NRXN3: variants seen among roughly 807,000 people sequenced by gnomAD.
NRXN3 encodes the protein neurexin 3, also known as neurexin III.
A neutral mutation model predicts 137.6 loss-of-function variants in NRXN3; 32 were observed. The observed-to-expected ratio is 0.23, with a 90% confidence interval of 0.18 to 0.31. The LOEUF (loss-of-function observed/expected upper bound fraction) is 0.31. Ranked by LOEUF, NRXN3 falls within the 10% of genes least tolerant of loss-of-function variation. The pLI is 1.00. For synonymous variants in NRXN3, 798 were observed against 784.5 expected (o/e 1.02, Z -0.29); for missense variants, 1,574 against 2,062.5 (o/e 0.76, Z 4.59).
At chr14:78,677,357 AC>A (rs1202706723) in intron 6 of NRXN3, among the ~76,000 whole-genome samples, 3 of 152,060 alleles carry the variant, frequency 2.0e-5, no homozygotes, top group African/African-American at 7.2e-5. Context: ...GTTGATCACA[AC>A]CCTCATGGAT....
At chr14:78,566,426 A>G (rs1289166319) in intron 4 of NRXN3, among the ~76,000 whole-genome samples, 1 of 147,698 alleles carries the variant, frequency 6.8e-6, no homozygotes, top group Non-Finnish European at 1.5e-5. Flanking sequence ...CAAGTTTTCC[A>G]TGTGGCATCA....
chr14:79,810,213 T>C (rs993935565), intron 20 of NRXN3, among the ~76,000 whole-genome samples: 1 of 152,172 alleles, frequency 6.6e-6, no homozygotes, highest in African/African-American at 2.4e-5. Flanking sequence ...AAAAAAGTAA[T>C]ACTTTTATAC....
chr14:79,568,073 C>A (rs954811856), intron 16 of NRXN3, among the ~76,000 whole-genome samples: 2 of 152,120 alleles, frequency 1.3e-5, no homozygotes, highest in Non-Finnish European at 2.9e-5. Flanking sequence ...AACTGAAGAA[C>A]AGAATTAGAA....
At chr14:79,220,803 G>A (rs991115699) in intron 15 of NRXN3, among the ~76,000 whole-genome samples, 8 of 151,862 alleles carry the variant, frequency 5.3e-5, no homozygotes, top group South Asian at 2.1e-4. Context: ...TGTGCAGAAC[G>A]TGCAGGTTTG....
chr14:78,527,674 TG>T (rs1208280462), intron 4 of NRXN3, among the ~76,000 whole-genome samples: 1 of 152,190 alleles, frequency 6.6e-6, no homozygotes, highest in Non-Finnish European at 1.5e-5. Context: ...TGGCTAGTGG[TG>T]GTGAGTGGGA....
At chr14:78,789,554 C>T (rs1212237609) in intron 8 of NRXN3, among the ~76,000 whole-genome samples, 2 of 152,112 alleles carry the variant, frequency 1.3e-5, no homozygotes, top group African/African-American at 4.8e-5. Flanking sequence ...TCCAGCCACA[C>T]CAAATTCCTC....
chr14:78,177,430 C>G (rs2059383043), intron 1 of NRXN3, among the ~76,000 whole-genome samples: 1 of 151,892 alleles, frequency 6.6e-6, no homozygotes, highest in Non-Finnish European at 1.5e-5. Flanking sequence ...TTCTGAGAAG[C>G]AAGGAAGTCT....
chr14:78,859,369 A>C (rs1005604582), intron 10 of NRXN3, among the ~76,000 whole-genome samples: 1 of 152,174 alleles, frequency 6.6e-6, no homozygotes, highest in African/African-American at 2.4e-5. Flanking sequence ...AATAAAGAGT[A>C]ATAAAACCAA....
At chr14:78,978,441 A>G (rs942589644) in intron 14 of NRXN3, among the ~76,000 whole-genome samples, 11 of 152,102 alleles carry the variant, frequency 7.2e-5, no homozygotes, top group Non-Finnish European at 1.3e-4. Flanking sequence ...TTCTTATTTT[A>G]AAGCTAAATA....
intron 6 of NRXN3, among the ~76,000 whole-genome samples, chr14:78,684,903 A>T (rs1442491014): frequency 1.3e-5 from 2 of 152,152 alleles, no homozygotes; most frequent in Non-Finnish European, 1.5e-5. Context: ...TGTACTGCTT[A>T]TTTTCCTAAT....
At chr14:78,799,393 CT>C (rs2153072442) in intron 8 of NRXN3, among the ~76,000 whole-genome samples, 1 of 152,290 alleles carries the variant, frequency 6.6e-6, no homozygotes, top group East Asian at 1.9e-4. Flanking sequence ...CCAAAAAGTT[CT>C]TCATTCCATC....
intron 4 of NRXN3, among the ~76,000 whole-genome samples, chr14:78,404,697 A>C (rs2092368323): frequency 6.6e-6 from 1 of 152,148 alleles, no homozygotes; most frequent in Non-Finnish European, 1.5e-5. Context: ...ATACTCAATA[A>C]ATGTACAATG....
At chr14:79,068,188 C>G (rs2099683159) in intron 15 of NRXN3, among the ~76,000 whole-genome samples, 1 of 152,030 alleles carries the variant, frequency 6.6e-6, no homozygotes, top group African/African-American at 2.4e-5. Context: ...GCAGGTATTT[C>G]ATTGTACAAG....
chr14:79,826,917 A>T (rs73336303), intron 20 of NRXN3, among the ~76,000 whole-genome samples: 1,639 of 152,256 alleles, frequency 0.011, 25 homozygotes, highest in African/African-American at 0.037. Flanking sequence ...GCACAGGAGG[A>T]AGATTTCAAT....
intron 8 of NRXN3, among the ~76,000 whole-genome samples, chr14:78,749,751 G>C (rs1398644440): frequency 6.6e-6 from 1 of 152,152 alleles, no homozygotes; most frequent in Non-Finnish European, 1.5e-5. Flanking sequence ...TCTCCCTGGG[G>C]TTCCTTTCAC....
intron 16 of NRXN3, among the ~76,000 whole-genome samples, chr14:79,658,333 A>G (rs2098516657): frequency 6.6e-6 from 1 of 152,162 alleles, no homozygotes; most frequent in Admixed American, 6.5e-5. Flanking sequence ...AGCCTCAAAC[A>G]CTTGGTGCTA....
In NRXN3 at chr14:79,167,622, GT is replaced by G. The variant is rs1365619364; in HGVS notation, c.3262+179485del. 5.6e-5 allele frequency among the ~76,000 whole-genome samples: 8 copies of G among 142,678 alleles called. No homozygotes were observed. In the East Asian group the frequency reaches 1.6e-3, roughly 28 times the overall value. The allele number at this position is 142,678 out of a possible 152,430, so 93.6% of individuals were successfully genotyped here. On this transcript the variant is annotated intron_variant, in intron 15 of 20. Coordinates refer to ENST00000335750, the MANE Select transcript of NRXN3 (RefSeq NM_001330195.2). ...TTCCTTTTTTTGTTATTCCTACCAGGTTTTGTTGTTATTTTTTTTCTTCAAT... is the reference window on the plus strand; with the variant it reads ...TTCCTTTTTTTGTTATTCCTACCAGGTTTGTTGTTATTTTTTTTCTTCAAT...
intron 15 of NRXN3, 67 bp downstream of exon 15, chr14:78,988,208 G>A (rs1424128527): frequency 6.3e-7 from 1 of 1,582,714 alleles, no homozygotes; most frequent in Non-Finnish European, 8.7e-7. Context: ...AATCTTAAAG[G>A]ACAATATGTA....
chr14:78,923,536 T>C (rs2099276803), intron 10 of NRXN3, among the ~76,000 whole-genome samples: 1 of 152,238 alleles, frequency 6.6e-6, no homozygotes, highest in South Asian at 2.1e-4. Flanking sequence ...CTATTTTGTA[T>C]ATTAGTGAAC....
Sources: gnomAD v4.1 joint callset for allele counts (sites outside exome capture counted in the v4.1 genomes callset) on GRCh38, gnomAD v4.1.1 for gene constraint, MANE v1.5 for transcripts, NCBI Gene and HGNC (gene_info 2026-07-23, HGNC 2026-07-21) for gene names.